Variants in ANO4 observed in about 807,000 individuals in gnomAD.
ANO4 encodes the protein anoctamin 4.
Under a neutral mutation model 141.9 loss-of-function variants are expected in ANO4, and 69 were observed. The ratio of observed to expected loss-of-function variants is 0.49; its 90% confidence interval spans 0.40 to 0.59. The LOEUF is 0.59. Ranked by LOEUF, ANO4 falls within the 20% of genes least tolerant of loss-of-function variation. The probability of loss-of-function intolerance (pLI) is 0.00; values close to 1 mark genes in which losing one functional copy is unlikely to be tolerated. For synonymous variants in ANO4, 350 were observed against 394.3 expected (o/e 0.89, Z 1.33); for missense variants, 894 against 1,162.2 (o/e 0.77, Z 3.36).
intron 9 of ANO4, among the ~76,000 whole-genome samples, chr12:101,025,390 T>G (rs964065349): frequency 6.6e-6 from 1 of 151,742 alleles, no homozygotes; most frequent in African/African-American, 2.4e-5. Context: ...TTGCTAGGAG[T>G]TGGGAAACAA....
rs558868012 is a variant in ANO4 at position 100,928,921 on chromosome 12, A to G, written c.160+6591A>G. Among the ~76,000 whole-genome samples, 4 of 152,282 alleles carry G rather than the reference A, an allele frequency of 2.6e-5. No individual in the cohort carries two copies. The South Asian group carries it at 8.3e-4, about 32-fold the overall frequency. ...ACAATACCATCATCTGTGCTGTTTT[A>G]TAAACATTGCCATTATTGAGCCAGG... On this transcript the variant is annotated intron_variant, in intron 3 of 27. Coordinates refer to ENST00000392977, the MANE Select transcript of ANO4 (RefSeq NM_001286615.2).
chr12:101,064,523 G>C (rs1171900762), intron 14 of ANO4, among the ~76,000 whole-genome samples: 1 of 152,056 alleles, frequency 6.6e-6, no homozygotes, highest in African/African-American at 2.4e-5. Flanking sequence ...TTGATGGGTG[G>C]GAGGCTAGGG....
intron 1 of ANO4, among the ~76,000 whole-genome samples, chr12:100,806,529 T>TTTTTTGTTTC (rs1182965313): frequency 5.7e-4 from 17 of 29,892 alleles, no homozygotes; most frequent in African/African-American, 3.8e-3. Flanking sequence ...GTTTCGTTTT[T>TTTTTTGTTTC]TTTTTTTTTT....
chr12:100,831,284 T>C (rs1593455139), intron 1 of ANO4, among the ~76,000 whole-genome samples: 1 of 152,244 alleles, frequency 6.6e-6, no homozygotes, highest in South Asian at 2.1e-4. Flanking sequence ...CACTTGCGTA[T>C]TGTGCATTTA....
chr12:101,002,039 C>A (rs2045665667), intron 8 of ANO4, among the ~76,000 whole-genome samples: 1 of 152,148 alleles, frequency 6.6e-6, no homozygotes, highest in South Asian at 2.1e-4. Context: ...TTCCTCGCTG[C>A]CCACCATCAC....
intron 5 of ANO4, among the ~76,000 whole-genome samples, chr12:100,956,605 A>G (rs2043184340): frequency 6.6e-6 from 1 of 152,242 alleles, no homozygotes; most frequent in Non-Finnish European, 1.5e-5. Context: ...ATTGTGTAGC[A>G]GTAAATCACT....
At chr12:100,785,505 C>T (rs993918645) in intron 3 of ANO4, among the ~76,000 whole-genome samples, 9 of 152,080 alleles carry the variant, frequency 5.9e-5, no homozygotes, top group Admixed American at 6.5e-5. Context: ...CATATGTAGC[C>T]TTCTCAGATT....
Position 101,063,745 on chromosome 12 carries a change from CTTTTTTTTTTT to C in ANO4, c.1312+15367_1312+15377del. 1.8e-3 allele frequency among the ~76,000 whole-genome samples: 45 copies of C among 24,798 alleles called. No homozygotes were observed. In the South Asian group the frequency reaches 0.043, roughly 24 times the overall value. The allele number at this position is 24,798 out of a possible 152,430, so 16.3% of individuals were successfully genotyped here. The stretch of plus-strand genomic sequence containing the variant: ...ATGGATGGAAGGTTGTCCAGGTTAT[CTTTTTTTTTTT>C]TTTTTTTTTTTTTTTTTTTTTTGCC... On this transcript the variant is annotated intron_variant, in intron 14 of 27. Coordinates refer to ENST00000392977, the MANE Select transcript of ANO4 (RefSeq NM_001286615.2).
chr12:100,875,562 A>T (rs2039258094), intron 1 of ANO4, among the ~76,000 whole-genome samples: 1 of 152,188 alleles, frequency 6.6e-6, no homozygotes, highest in African/African-American at 2.4e-5. Context: ...CTGCTTCAAA[A>T]TTTTCACAAC....
chr12:100,824,506 G>A (rs1039170941), intron 1 of ANO4, among the ~76,000 whole-genome samples: 1 of 151,986 alleles, frequency 6.6e-6, no homozygotes, highest in Admixed American at 6.6e-5. Context: ...CTAAATATCA[G>A]TTTTCCTCAA....
At chr12:100,790,479 C>T (rs1044028392), upstream of ANO4, among the ~76,000 whole-genome samples, 4 of 152,112 alleles carry the variant, frequency 2.6e-5, no homozygotes, top group Admixed American at 6.5e-5. Context: ...ATTGGTAAGA[C>T]TTAAGTACTG....
chr12:100,796,510 T>A (rs2034330279), intron 1 of ANO4, among the ~76,000 whole-genome samples: 1 of 152,192 alleles, frequency 6.6e-6, no homozygotes, highest in African/African-American at 2.4e-5. Flanking sequence ...TTGTTTTTTA[T>A]TTCAGTGAAG....
chr12:101,037,088 GT>G lies in ANO4; in HGVS notation c.842-3del, dbSNP rs777546521. The stretch of plus-strand genomic sequence containing the variant: ...ATTAATTCAAATGGACTTATTTGCT[GT>G]TTTAGGTCTGAATCGTTTGCTTACC... On this transcript the variant is annotated splice_polypyrimidine_tract_variant and splice_region_variant and intron_variant, in intron 9 of 27. Coordinates refer to ENST00000392977, the MANE Select transcript of ANO4 (RefSeq NM_001286615.2). 9 of 1,613,720 alleles carry G rather than the reference GT, an allele frequency of 5.6e-6. No homozygotes were observed. The South Asian group carries it at 8.8e-5, about 16-fold the overall frequency.
intron 5 of ANO4, among the ~76,000 whole-genome samples, chr12:100,953,252 T>C (rs1267598102): frequency 2.0e-5 from 3 of 152,248 alleles, no homozygotes; most frequent in African/African-American, 7.2e-5. Context: ...AAAGTATATA[T>C]CATGAATATG....
chr12:100,983,142 G>A (rs971199797), intron 7 of ANO4, among the ~76,000 whole-genome samples: 1 of 152,164 alleles, frequency 6.6e-6, no homozygotes, highest in Middle Eastern at 3.2e-3. Flanking sequence ...CAGACTAGGG[G>A]AGCACTCACT....
intron 1 of ANO4, among the ~76,000 whole-genome samples, chr12:100,842,930 A>G (rs1175674252): frequency 6.6e-6 from 1 of 152,096 alleles, no homozygotes; most frequent in East Asian, 1.9e-4. Flanking sequence ...AAACCATGGT[A>G]TATTCTAAAT....
rs1315649993 is a variant in ANO4, at chr12:101,128,362, GAGA to G, written c.*510_*512del. The G allele has an allele frequency of 6.6e-6, 1 of 152,570 alleles. No homozygotes were observed. The highest frequency in any genetic ancestry group is 2.1e-4 in the South Asian group (1 of 4,814). The allele number at this position is 152,570 out of a possible 1,614,324, so 9.5% of individuals were successfully genotyped here. The stretch of plus-strand genomic sequence containing the variant: ...CTTTTTTTTAATTTTAGACCTTTCT[GAGA>G]AGATTATTATATATGACATATCTAT... On this transcript the variant is annotated 3_prime_UTR_variant, in exon 28 of 28. Transcript: ENST00000392977.
At chr12:100,979,932 G>C (rs980261760) in intron 7 of ANO4, among the ~76,000 whole-genome samples, 3 of 144,504 alleles carry the variant, frequency 2.1e-5, no homozygotes, top group Non-Finnish European at 4.5e-5. Context: ...AGTAGAGGCA[G>C]GGTTTCACTG....
rs376640582 is a variant in ANO4, at chr12:101,094,745, G to A, written c.1738+453G>A. On this transcript the variant is annotated intron_variant, in intron 18 of 27. Transcript: ENST00000392977. Reference sequence around the variant, plus strand: ...TCACATCTGTAATCCCAGCACTTTGGGAAGCTTTGGCAGGAGGATTCCTTG... The same window carrying A: ...TCACATCTGTAATCCCAGCACTTTGAGAAGCTTTGGCAGGAGGATTCCTTG... 5.3e-4 allele frequency among the ~76,000 whole-genome samples: 80 copies of A among 151,756 alleles called. 2 individuals are homozygous for A. In the South Asian group the frequency reaches 0.016, roughly 31 times the overall value.
Sources: gnomAD v4.1 joint callset for allele counts (sites outside exome capture counted in the v4.1 genomes callset) on GRCh38, gnomAD v4.1.1 for gene constraint, MANE v1.5 for transcripts, NCBI Gene and HGNC (gene_info 2026-07-23, HGNC 2026-07-21) for gene names.